The following LPCAT2 variants were observed in gnomAD, a reference collection of about 807,000 sequenced individuals.
LPCAT2 encodes 1-AGP acyltransferase 11.
A neutral mutation model predicts 64.7 loss-of-function variants in LPCAT2; 58 were observed. That is an observed-to-expected ratio of 0.90 (90% CI 0.73 to 1.12). The LOEUF is 1.12. LPCAT2 is among the 50% of genes most tolerant of loss of function. The pLI is 0.00. For synonymous variants in LPCAT2, 252 were observed against 245.3 expected (o/e 1.03, Z -0.26); for missense variants, 579 against 669.8 (o/e 0.86, Z 1.50).
chr16:55,570,787 C>T (rs1461105278), intron 11 of LPCAT2, among the ~76,000 whole-genome samples: 3 of 152,138 alleles, frequency 2.0e-5, no homozygotes, highest in Admixed American at 2.0e-4. Flanking sequence ...TTCCTAGAAA[C>T]TGATTCAATT....
At chr16:55,511,387 T>C (rs2142385323) in intron 1 of LPCAT2, among the ~76,000 whole-genome samples, 1 of 152,256 alleles carries the variant, frequency 6.6e-6, no homozygotes, top group African/African-American at 2.4e-5. Flanking sequence ...AAAAACAATG[T>C]CCATATTATC....
chr16:55,563,024 A>T (rs112844677), intron 11 of LPCAT2, among the ~76,000 whole-genome samples: 17 of 152,048 alleles, frequency 1.1e-4, no homozygotes, highest in African/African-American at 4.1e-4. Context: ...AGCTAGACAC[A>T]TAAAACCAGA....
At chr16:55,545,669 A>T in intron 8 of LPCAT2, 66 bp from the exon 9 acceptor site, 1 of 999,834 alleles carries the variant, frequency 1.0e-6, no homozygotes, top group Non-Finnish European at 1.5e-6. Context: ...TGTATAAATT[A>T]ATTTACTTGG....
At position 55,529,817 on chromosome 16, in the gene LPCAT2, T is replaced by G; in HGVS notation, c.530-18T>G. On this transcript the variant is annotated intron_variant, in intron 3 of 13. Coordinates refer to ENST00000262134, the MANE Select transcript of LPCAT2 (RefSeq NM_017839.5). ...AGCCAAAAAATGGCTTGCCTGTAAC[T>G]TTTCATTTGTTTTAAAGGACTGTTA... is the stretch of plus-strand genomic sequence containing the variant. 1 of 1,552,872 alleles carries G rather than the reference T, an allele frequency of 6.4e-7. No homozygotes were observed. Among genetic ancestry groups the G allele is most frequent in the African/African-American group, 1.4e-5 (1 of 73,414 alleles).
chr16:55,536,293 A>G (rs1963323693), intron 7 of LPCAT2, among the ~76,000 whole-genome samples: 1 of 152,218 alleles, frequency 6.6e-6, no homozygotes, highest in Non-Finnish European at 1.5e-5. Flanking sequence ...ACTAAGAAGT[A>G]TTTGGTCTGT....
chr16:55,576,631 C>T (rs1033939226), intron 12 of LPCAT2, among the ~76,000 whole-genome samples: 2 of 152,128 alleles, frequency 1.3e-5, no homozygotes, highest in African/African-American at 4.8e-5. Flanking sequence ...CAGGGAGGGT[C>T]CAGCTGGTCT....
At chr16:55,514,925 TGTG>T (rs1962988361) in intron 1 of LPCAT2, among the ~76,000 whole-genome samples, 1 of 151,540 alleles carries the variant, frequency 6.6e-6, no homozygotes, top group Non-Finnish European at 1.5e-5. Flanking sequence ...TGTGTGTGTG[TGTG>T]TGTATTCACT....
rs549571227 is a variant in LPCAT2, at chr16:55,586,481, C to G, written c.*3383C>G. ...AAAAATTATGTTTACTTCTACCACC[C>G]TAAATCAACTATTATCAATTTTATA... On this transcript the variant is annotated 3_prime_UTR_variant, in exon 14 of 14. Transcript: ENST00000262134. The G allele has an allele frequency of 7.8e-6, 1 of 128,546 alleles. No individual in the cohort carries two copies. Among genetic ancestry groups the G allele is most frequent in the East Asian group, 3.1e-4 (1 of 3,212 alleles). The allele number at this position is 128,546 out of a possible 1,614,324, so 8.0% of individuals were successfully genotyped here.
chr16:55,567,541 A>G, intron 11 of LPCAT2: 1 of 1,583,536 alleles, frequency 6.3e-7, no homozygotes, highest in Non-Finnish European at 8.6e-7. Flanking sequence ...CCTGGAGGAC[A>G]GGACTGAAAA....
Position 55,525,648 on chromosome 16 carries a change from G to GT in LPCAT2, c.311+2dup. 1 of 1,591,754 alleles carries GT rather than the reference G, an allele frequency of 6.3e-7. No homozygotes were observed. The highest frequency in any genetic ancestry group is 8.5e-7 in the Non-Finnish European group (1 of 1,170,836). ...CCCACCCAATAACTGGTTGGAGGAG[G>GT]TAAGAAATAATTTTGTCCAAAATAT... On this transcript the variant is annotated splice_donor_variant, in intron 2 of 13. Transcript: ENST00000262134. LOFTEE classifies it high-confidence loss of function.
intron 1 of LPCAT2, among the ~76,000 whole-genome samples, chr16:55,515,822 A>T (rs931245986): frequency 1.3e-5 from 2 of 152,192 alleles, no homozygotes; most frequent in East Asian, 3.8e-4. Context: ...AACACTTAGG[A>T]CAATCACAAA....
intron 11 of LPCAT2, among the ~76,000 whole-genome samples, chr16:55,570,302 G>A (rs974722508): frequency 6.6e-6 from 1 of 152,074 alleles, no homozygotes; most frequent in Non-Finnish European, 1.5e-5. Context: ...TTAAAAGTTG[G>A]TTTATCTAGC....
chr16:55,526,353 C>G (rs1250610289), intron 2 of LPCAT2, among the ~76,000 whole-genome samples: 1 of 152,070 alleles, frequency 6.6e-6, no homozygotes, highest in Non-Finnish European at 1.5e-5. Context: ...TATGTGGACT[C>G]CATGGATTCC....
At chr16:55,582,328 C>CT (rs1284916667) in intron 13 of LPCAT2, among the ~76,000 whole-genome samples, 2 of 152,254 alleles carry the variant, frequency 1.3e-5, no homozygotes, top group Admixed American at 6.5e-5. Flanking sequence ...CTTTATTTTA[C>CT]TTTAACAGTT....
intron 8 of LPCAT2, among the ~76,000 whole-genome samples, chr16:55,544,257 C>A (rs8059882): frequency 0.089 from 13,496 of 152,186 alleles, 865 homozygotes; most frequent in African/African-American, 0.17. Context: ...GTATTTTTAA[C>A]TACTTCTAGT....
At chr16:55,582,386 A>C (rs2142428295) in intron 13 of LPCAT2, among the ~76,000 whole-genome samples, 1 of 152,208 alleles carries the variant, frequency 6.6e-6, no homozygotes, top group Admixed American at 6.5e-5. Context: ...GTTTTGTCTA[A>C]GTTTTTGGGC....
At chr16:55,512,373 A>G (rs1962945163) in intron 1 of LPCAT2, among the ~76,000 whole-genome samples, 3 of 152,236 alleles carry the variant, frequency 2.0e-5, no homozygotes, top group Admixed American at 6.5e-5. Flanking sequence ...CACAAATCAG[A>G]CAGAAACTGG....
intron 3 of LPCAT2, 128 bp from the exon 4 acceptor site, chr16:55,529,707 G>GT (rs1247491164): frequency 1.3e-5 from 6 of 448,130 alleles, no homozygotes; most frequent in African/African-American, 1.2e-4. Context: ...CTAATAAATT[G>GT]TTTTTTAATT....
At chr16:55,546,882 C>T (rs1360617614) in intron 9 of LPCAT2, among the ~76,000 whole-genome samples, 2 of 152,140 alleles carry the variant, frequency 1.3e-5, no homozygotes, top group Non-Finnish European at 2.9e-5. Context: ...GGCGCGGTGA[C>T]TCACACCTGT....
Sources: gnomAD v4.1 joint callset for allele counts (sites outside exome capture counted in the v4.1 genomes callset) on GRCh38, gnomAD v4.1.1 for gene constraint, MANE v1.5 for transcripts, NCBI Gene and HGNC (gene_info 2026-07-23, HGNC 2026-07-21) for gene names.